The following PTCHD4 variants were observed in gnomAD, a reference collection of about 807,000 sequenced individuals.
PTCHD4 encodes patched domain containing 4, also known as patched domain-containing protein 4.
Under a neutral mutation model 58.1 loss-of-function variants are expected in PTCHD4, and 33 were observed. The observed-to-expected ratio is 0.57, with a 90% CI of 0.43 to 0.76. The LOEUF is 0.76. Ranked by LOEUF, PTCHD4 falls within the 30% of genes least tolerant of loss-of-function variation. The pLI, the probability that PTCHD4 is intolerant of heterozygous loss-of-function variation, is 0.00. For missense variants in PTCHD4, 1,058 were observed against 1,027.1 expected, an observed-to-expected ratio of 1.03 and a Z score of -0.41; for synonymous variants, 478 against 409.6, an observed-to-expected ratio of 1.17 and a Z score of -2.02.
At chr6:48,037,130 C>T (rs914376272) in intron 3 of PTCHD4, among the ~76,000 whole-genome samples, 3 of 152,052 alleles carry the variant, frequency 2.0e-5, no homozygotes, top group Admixed American at 6.6e-5. Context: ...ATCATGTAGG[C>T]ATTGTATTAT....
chr6:48,044,137 T>A (rs758499612), intron 3 of PTCHD4, among the ~76,000 whole-genome samples: 31 of 151,936 alleles, frequency 2.0e-4, no homozygotes, highest in African/African-American at 5.1e-4. Context: ...TATTTTAATT[T>A]TTGTACTTGC....
chr6:47,993,207 A>C (rs1768346302), intron 4 of PTCHD4, among the ~76,000 whole-genome samples: 1 of 152,208 alleles, frequency 6.6e-6, no homozygotes, highest in African/African-American at 2.4e-5. Flanking sequence ...ATGATTATGG[A>C]AGTCACCAAT....
chr6:48,038,033 C>T (rs1319555443), intron 3 of PTCHD4, among the ~76,000 whole-genome samples: 4 of 151,478 alleles, frequency 2.6e-5, no homozygotes, highest in Non-Finnish European at 5.9e-5. Context: ...ATGTCACTCT[C>T]GGTGGCTGAC....
intron 3 of PTCHD4, among the ~76,000 whole-genome samples, chr6:48,056,057 G>A (rs181670983): frequency 6.6e-6 from 1 of 152,326 alleles, no homozygotes; most frequent in Admixed American, 6.5e-5. Flanking sequence ...CAGGCAACCA[G>A]AATCAGCACT....
rs1395694473 is a variant in PTCHD4 at position 47,859,630 on chromosome 6, A to G, written c.*18673T>C. On this transcript the variant is annotated 3_prime_UTR_variant, in exon 5 of 5. Transcript: ENST00000339488. ...CAGGGTACTGGGCTTATAGCAGTTT[A>G]CAGAGCAGAAAAATATCTCTGCCCC... Among the ~76,000 whole-genome samples, 4 of 92,406 alleles carry G rather than the reference A, an allele frequency of 4.3e-5. No individual in the cohort carries two copies. The highest frequency in any genetic ancestry group is 1.4e-4 in the African/African-American group (4 of 29,474). 60.6% of individuals were successfully genotyped at this position (92,406 alleles called of 152,430 possible).
chr6:47,893,596 G>A (rs1017199364), intron 4 of PTCHD4, among the ~76,000 whole-genome samples: 2 of 152,178 alleles, frequency 1.3e-5, no homozygotes, highest in East Asian at 1.9e-4. Context: ...TCCATGGCTC[G>A]ATTTGCTAAC....
At chr6:47,953,299 TA>T (rs1433100625) in intron 4 of PTCHD4, among the ~76,000 whole-genome samples, 1 of 152,158 alleles carries the variant, frequency 6.6e-6, no homozygotes, top group African/African-American at 2.4e-5. Flanking sequence ...CTGAATTTTT[TA>T]AAAAGTTAAC....
intron 1 of PTCHD4, among the ~76,000 whole-genome samples, chr6:48,078,827 T>C (rs183072998): frequency 1.5e-3 from 233 of 152,304 alleles, no homozygotes; most frequent in Non-Finnish European, 2.1e-3. Context: ...GTTATGAAAT[T>C]GCATATTTTG....
At chr6:48,066,168 G>A (rs1764789360) in intron 3 of PTCHD4, among the ~76,000 whole-genome samples, 1 of 151,712 alleles carries the variant, frequency 6.6e-6, no homozygotes, top group South Asian at 2.1e-4. Flanking sequence ...TCACGAGAGT[G>A]AGAACTTTGC....
At chr6:48,102,658 C>A (rs186679451) in intron 1 of PTCHD4, among the ~76,000 whole-genome samples, 121 of 152,320 alleles carry the variant, frequency 7.9e-4, no homozygotes, top group African/African-American at 2.6e-3. Flanking sequence ...CGAAGCAGGG[C>A]GAGGCATCGC....
At chr6:48,027,291 T>A (rs1285372031) in intron 3 of PTCHD4, among the ~76,000 whole-genome samples, 2 of 152,154 alleles carry the variant, frequency 1.3e-5, no homozygotes, top group East Asian at 3.8e-4. Flanking sequence ...AAATGTTTTT[T>A]TCCAGTTCAT....
intron 4 of PTCHD4, 78 bp from the exon 5 acceptor site, chr6:47,880,014 A>T (rs1044579439): frequency 8.7e-7 from 1 of 1,151,476 alleles, no homozygotes; most frequent in African/African-American, 1.6e-5. Context: ...TAGTTTATCT[A>T]TGCTAAATGG....
intron 4 of PTCHD4, among the ~76,000 whole-genome samples, chr6:47,945,165 G>A (rs1766370535): frequency 6.6e-6 from 1 of 152,028 alleles, no homozygotes; most frequent in African/African-American, 2.4e-5. Context: ...TAGGTACAAT[G>A]CTAATTCACA....
chr6:48,018,738 A>G (rs949883308), intron 3 of PTCHD4, among the ~76,000 whole-genome samples: 24 of 152,244 alleles, frequency 1.6e-4, no homozygotes, highest in African/African-American at 5.3e-4. Context: ...CTATTCTTAC[A>G]TGAATGAGTC....
At chr6:47,941,955 A>T (rs1293046530) in intron 4 of PTCHD4, among the ~76,000 whole-genome samples, 1 of 152,256 alleles carries the variant, frequency 6.6e-6, no homozygotes, top group Admixed American at 6.5e-5. Context: ...GAATGTGGAC[A>T]TTTCTGAAGT....
intron 4 of PTCHD4, among the ~76,000 whole-genome samples, chr6:47,986,031 T>C (rs1768055496): frequency 6.6e-6 from 1 of 152,070 alleles, no homozygotes. Flanking sequence ...AATTTATCCC[T>C]TTTATGATAT....
chr6:47,880,447 T>G (rs78146962), intron 4 of PTCHD4, among the ~76,000 whole-genome samples: 2 of 152,272 alleles, frequency 1.3e-5, no homozygotes, highest in African/African-American at 4.8e-5. Context: ...ACTGATTTTA[T>G]AATGTTGATA....
Position 47,879,296 on chromosome 6 carries a change from G to A in PTCHD4, c.1539C>T (p.Ser513=), listed in dbSNP as rs766816152. ...CATAGACGTAGAATCCTATCACAGG[G>A]CTATAGTTGCTGAAATATTTCTGCT... is the stretch of plus-strand genomic sequence containing the variant. The part of the protein sequence containing the change: ...MVQQKYFSNY[S]PVIGFYVYEP... Residue 513 remains serine (S), a synonymous_variant, in exon 5 of 5, where the codon AGC becomes AGT. Transcript: ENST00000339488. The A allele has an allele frequency of 2.5e-6, 4 of 1,612,608 alleles. No individual in the cohort carries two copies. The highest frequency in any genetic ancestry group is 3.4e-6 in the Non-Finnish European group (4 of 1,179,334).
chr6:48,030,892 C>T (rs916580227), intron 3 of PTCHD4, among the ~76,000 whole-genome samples: 1 of 152,080 alleles, frequency 6.6e-6, no homozygotes, highest in Non-Finnish European at 1.5e-5. Context: ...ACTGCTTGTA[C>T]CATCCAGCAA....
Sources: gnomAD v4.1 joint callset for allele counts (sites outside exome capture counted in the v4.1 genomes callset) on GRCh38, gnomAD v4.1.1 for gene constraint, MANE v1.5 for transcripts, NCBI Gene and HGNC (gene_info 2026-07-23, HGNC 2026-07-21) for gene names.